Variants in LRP1B observed in about 807,000 individuals in gnomAD.
LRP1B encodes the protein low-density lipoprotein receptor-related protein 1B.
LRP1B carries 217 observed loss-of-function variants against 556.6 expected under a neutral mutation model. The observed-to-expected ratio is 0.39, with a 90% CI of 0.35 to 0.44. The LOEUF (loss-of-function observed/expected upper bound fraction) is 0.44. Among genes scored for constraint, LRP1B ranks in the 20% least tolerant of loss-of-function variants. LRP1B has a pLI of 1.00. For missense variants in LRP1B, 5,053 were observed against 5,620.8 expected (o/e 0.90, Z 3.23); for synonymous variants, 2,047 against 1,865.8 (o/e 1.10, Z -2.50).
chr2:140,755,002 G>A (rs1026342700), intron 35 of LRP1B, among the ~76,000 whole-genome samples: 1 of 143,236 alleles, frequency 7.0e-6, no homozygotes, highest in Admixed American at 7.0e-5. Context: ...TACTGATACA[G>A]TAGATACAGA....
chr2:140,935,919 A>G (rs1406568595), intron 20 of LRP1B, among the ~76,000 whole-genome samples: 1 of 151,564 alleles, frequency 6.6e-6, no homozygotes, highest in Non-Finnish European at 1.5e-5. Context: ...TATATGTGTG[A>G]TATGTTAAGT....
chr2:141,450,956 C>A (rs1460337034), intron 3 of LRP1B, among the ~76,000 whole-genome samples: 2 of 152,120 alleles, frequency 1.3e-5, no homozygotes, highest in Non-Finnish European at 1.5e-5. Flanking sequence ...TAATAGACAT[C>A]AGCTTAAAAT....
At chr2:140,826,512 A>G (rs1268486277) in intron 31 of LRP1B, among the ~76,000 whole-genome samples, 5 of 152,218 alleles carry the variant, frequency 3.3e-5, no homozygotes, top group African/African-American at 1.2e-4. Flanking sequence ...GATCACCAGC[A>G]ACATCCAGGA....
chr2:141,949,284 G>T (rs1184050493), intron 1 of LRP1B, among the ~76,000 whole-genome samples: 1 of 152,098 alleles, frequency 6.6e-6, no homozygotes, highest in African/African-American at 2.4e-5. Flanking sequence ...ATCTATTTCA[G>T]CATTCAGAAA....
chr2:141,836,854 G>A (rs1434067421), intron 1 of LRP1B, among the ~76,000 whole-genome samples: 2 of 151,814 alleles, frequency 1.3e-5, no homozygotes, highest in East Asian at 1.9e-4. Flanking sequence ...TTAAAAATTA[G>A]CAATGCAGAT....
intron 1 of LRP1B, among the ~76,000 whole-genome samples, chr2:142,027,760 A>G (rs1703560076): frequency 6.8e-6 from 1 of 146,214 alleles, no homozygotes; most frequent in African/African-American, 2.5e-5. Flanking sequence ...TAAAAACTTC[A>G]GAGTTTTCAT....
rs560610541 is a variant in LRP1B, at chr2:141,032,617, T to C, written c.1790-12515A>G. Reference sequence around the variant, plus strand: ...ATATTCCTATTCAGAAAATTTGTATTTCTTCTTCTGTGAACTGCCTCAATA... The same window carrying C: ...ATATTCCTATTCAGAAAATTTGTATCTCTTCTTCTGTGAACTGCCTCAATA... On this transcript the variant is annotated intron_variant, in intron 11 of 90. Coordinates refer to ENST00000389484, the MANE Select transcript of LRP1B (RefSeq NM_018557.3). 1.4e-3 allele frequency among the ~76,000 whole-genome samples: 220 copies of C among 152,098 alleles called. 2 individuals carry two copies. The highest frequency in any genetic ancestry group is 5.1e-3 in the African/African-American group (213 of 41,546).
chr2:140,908,157 T>C, intron 21 of LRP1B, 80 bp from the exon 22 acceptor site: 4 of 1,089,324 alleles, frequency 3.7e-6, no homozygotes, highest in East Asian at 2.4e-5. Flanking sequence ...TTGTCTTCAG[T>C]CACAGGCAGA....
chr2:140,682,176 G>C (rs970265793), intron 41 of LRP1B, among the ~76,000 whole-genome samples: 8 of 152,160 alleles, frequency 5.3e-5, no homozygotes, highest in African/African-American at 1.9e-4. Context: ...GACAGAATGG[G>C]CATTTAGGAC....
At chr2:140,892,712 G>A (rs965623358) in intron 23 of LRP1B, among the ~76,000 whole-genome samples, 3 of 152,046 alleles carry the variant, frequency 2.0e-5, no homozygotes, top group Non-Finnish European at 4.4e-5. Flanking sequence ...GCCGGTAAAT[G>A]TATGTCTATG....
chr2:140,832,385 A>G (rs1691747644), intron 31 of LRP1B, among the ~76,000 whole-genome samples: 1 of 152,166 alleles, frequency 6.6e-6, no homozygotes, highest in African/African-American at 2.4e-5. Context: ...GAGCTACCAT[A>G]CGATCCAGCA....
At chr2:140,391,277 T>G (rs1043595746) in intron 66 of LRP1B, among the ~76,000 whole-genome samples, 1 of 152,064 alleles carries the variant, frequency 6.6e-6, no homozygotes, top group Non-Finnish European at 1.5e-5. Flanking sequence ...AATGAAAAAG[T>G]CACAAGCAAA....
At chr2:140,856,774 CACA>C (rs1379514785) in intron 27 of LRP1B, among the ~76,000 whole-genome samples, 23 of 100,900 alleles carry the variant, frequency 2.3e-4, no homozygotes, top group African/African-American at 7.4e-4. Flanking sequence ...CACACACACA[CACA>C]CACATTGTTT....
chr2:141,455,464 T>G (rs937089782), intron 3 of LRP1B, among the ~76,000 whole-genome samples: 1 of 152,242 alleles, frequency 6.6e-6, no homozygotes, highest in Admixed American at 6.5e-5. Flanking sequence ...TGTGCAGGAA[T>G]AGCAGACACC....
At chr2:142,098,567 C>T (rs1003270130) in intron 1 of LRP1B, among the ~76,000 whole-genome samples, 1 of 151,668 alleles carries the variant, frequency 6.6e-6, no homozygotes, top group African/African-American at 2.4e-5. Flanking sequence ...TTTAGGACTT[C>T]ATTGCAAAAC....
rs190690659 is a variant in LRP1B at position 141,164,049 on chromosome 2, T to C, written c.1013+24372A>G. Among the ~76,000 whole-genome samples the C allele has an allele frequency of 2.6e-5, 4 of 152,172 alleles. No individual in the cohort carries two copies. The East Asian group carries it at 7.8e-4, about 30-fold the overall frequency. On this transcript the variant is annotated intron_variant, in intron 7 of 90. Coordinates refer to ENST00000389484, the MANE Select transcript of LRP1B (RefSeq NM_018557.3). The stretch of plus-strand genomic sequence containing the variant: ...TAACTTACATTGTATTAATAAAATA[T>C]TGAATTCAATTCTGGTTGTTACATA...
intron 1 of LRP1B, among the ~76,000 whole-genome samples, chr2:142,091,898 C>T (rs1706186780): frequency 6.6e-6 from 1 of 152,174 alleles, no homozygotes; most frequent in Non-Finnish European, 1.5e-5. Context: ...TTTCCTTCCA[C>T]ATAAAAGGAG....
At chr2:141,290,817 G>C (rs1254427087) in intron 3 of LRP1B, among the ~76,000 whole-genome samples, 1 of 152,150 alleles carries the variant, frequency 6.6e-6, no homozygotes, top group Middle Eastern at 3.4e-3. Context: ...CTATGTAGCT[G>C]GTGATTAATT....
At chr2:142,098,121 GC>G in intron 1 of LRP1B, among the ~76,000 whole-genome samples, 1 of 151,706 alleles carries the variant, frequency 6.6e-6, no homozygotes, top group Non-Finnish European at 1.5e-5. Context: ...TTATTTTTCA[GC>G]CCATATTCCT....
Sources: gnomAD v4.1 joint callset for allele counts (sites outside exome capture counted in the v4.1 genomes callset) on GRCh38, gnomAD v4.1.1 for gene constraint, MANE v1.5 for transcripts, NCBI Gene and HGNC (gene_info 2026-07-23, HGNC 2026-07-21) for gene names.